The following SNX15 variants were observed in gnomAD, a reference collection of about 807,000 sequenced individuals.
SNX15 encodes sorting nexin-15.
A neutral mutation model predicts 35.2 loss-of-function variants in SNX15; 29 were observed. The ratio of observed to expected loss-of-function variants is 0.82; its 90% confidence interval spans 0.61 to 1.12. The LOEUF is 1.12. Among genes scored for constraint, SNX15 ranks in the 50% most tolerant of loss-of-function variants. SNX15 has a pLI of 0.00. For synonymous variants in SNX15, 189 were observed against 188.2 expected, an observed-to-expected ratio of 1.00 and a Z score of -0.03; for missense variants, 400 against 451.5, an observed-to-expected ratio of 0.89 and a Z score of 1.03.
In SNX15 at chr11:65,039,738, C is replaced by G; in HGVS notation, c.975C>G (p.Tyr325Ter). The change falls in exon 8 of 8, where the codon TAC becomes TAG. Residue 325 changes from tyrosine (Y) to a stop codon, truncating the protein, a stop_gained. Transcript: ENST00000377244. LOFTEE classifies it high-confidence loss of function. ...QEGVKKKAAEYLKRAEEILRL... is the reference protein window; with the variant it reads ...QEGVKKKAAE ...GTGTGAAGAAGAAGGCAGCTGAGTA[C>G]CTGAAGCGGGCAGAGGAGATCCTGC... 6.2e-7 allele frequency: 1 copy of G among 1,613,720 alleles called. No individual in the cohort carries two copies. The highest frequency in any genetic ancestry group is 8.5e-7 in the Non-Finnish European group (1 of 1,179,884).
intron 6 of SNX15, 102 bp downstream of exon 6, chr11:65,035,765 G>T: frequency 7.9e-7 from 1 of 1,270,628 alleles, no homozygotes; most frequent in Non-Finnish European, 1.1e-6. Flanking sequence ...CGCAGATCAG[G>T]GAGAGACGTC....
In SNX15 at chr11:65,038,729, G is replaced by T; in HGVS notation, c.822G>T (p.Glu274Asp). Residue 274 changes from glutamate (E) to aspartate (D), a missense_variant, in exon 7 of 8, where the codon GAG (glutamate) becomes GAT (aspartate). Transcript: ENST00000377244. ...PTPAYLSQAT[E>D]LITQALRDEK... ...CTGCCTACCTAAGCCAGGCCACAGA[G>T]CTCATCACCCAGGCCCTGCGGGATG... 1 of 1,605,184 alleles carries T rather than the reference G, an allele frequency of 6.2e-7. No homozygotes were observed. The highest frequency in any genetic ancestry group is 8.5e-7 in the Non-Finnish European group (1 of 1,176,276).
Position 65,034,837 on chromosome 11 carries a change from G to A in SNX15, c.257-10G>A. The A allele has an allele frequency of 6.2e-7, 1 of 1,610,876 alleles. No individual in the cohort carries two copies. Among genetic ancestry groups the A allele is most frequent in the South Asian group, 1.1e-5 (1 of 90,954 alleles). On this transcript the variant is annotated splice_polypyrimidine_tract_variant and intron_variant, in intron 3 of 7. Coordinates refer to ENST00000377244, the MANE Select transcript of SNX15 (RefSeq NM_013306.5). ...CCACTCTCCCCTGTTCCTTGTCCTG[G>A]GGGCCGTAGGCCGGTTTGAAGCCTC...
At chr11:65,033,464 A>T (rs1946463769) in intron 3 of SNX15, among the ~76,000 whole-genome samples, 1 of 150,000 alleles carries the variant, frequency 6.7e-6, no homozygotes, top group African/African-American at 2.5e-5. Context: ...GAATCGCTTG[A>T]ACCTGGGAGG....
intron 1 of SNX15, among the ~76,000 whole-genome samples, chr11:65,030,487 G>A (rs1206946289): frequency 4.7e-5 from 7 of 148,110 alleles, no homozygotes; most frequent in Admixed American, 2.0e-4. Flanking sequence ...ATGACCCACC[G>A]TACCTGGCCT....
At chr11:65,029,144 G>A (rs1946410353) in intron 1 of SNX15, among the ~76,000 whole-genome samples, 3 of 146,470 alleles carry the variant, frequency 2.0e-5, no homozygotes, top group Admixed American at 6.9e-5. Flanking sequence ...AGTCTTCCCA[G>A]TGGCTTTTTT....
Position 65,032,314 on chromosome 11 carries a change from G to A in SNX15, c.135+111G>A, listed in dbSNP as rs765944522. ...TCGGCCCTCCTTCCTCCCTGTCCCT[G>A]GGCGAGGGGCTGCTGCAGCTGCTTC... On this transcript the variant is annotated intron_variant, in intron 2 of 7. Transcript: ENST00000377244. 7 of 1,583,320 alleles carry A rather than the reference G, an allele frequency of 4.4e-6. No individual in the cohort carries two copies. In the South Asian group the frequency reaches 4.4e-5, roughly 10 times the overall value.
intron 1 of SNX15, among the ~76,000 whole-genome samples, chr11:65,028,831 C>T (rs1347441876): frequency 1.3e-5 from 2 of 149,992 alleles, no homozygotes; most frequent in African/African-American, 2.5e-5. Context: ...CGGTGGCTCA[C>T]GCCTGTAATC....
chr11:65,038,593 C>T lies in SNX15; in HGVS notation c.686C>T (p.Thr229Ile). 1 of 1,575,930 alleles carries T rather than the reference C, an allele frequency of 6.3e-7. No individual in the cohort carries two copies. Among genetic ancestry groups the T allele is most frequent in the South Asian group, 1.2e-5 (1 of 85,552 alleles). Residue 229 changes from threonine (T) to isoleucine (I), a missense_variant, in exon 7 of 8, where the codon ACC (threonine) becomes ATC (isoleucine). Transcript: ENST00000377244. ...SKEEGAAPSP[T>I]HVAELATMEV... ...GCAGAAGGCGCAGCCCCCAGCCCCA[C>T]CCATGTGGCTGAGCTGGCAACGATG...
intron 6 of SNX15, chr11:65,038,236 T>C: frequency 1.9e-6 from 2 of 1,036,752 alleles, no homozygotes; most frequent in South Asian, 9.1e-5. Context: ...CCTAGCATCC[T>C]TCAGGGAAAC....
chr11:65,038,434 T>C, intron 6 of SNX15, 138 bp from the exon 7 acceptor site: 3 of 1,247,616 alleles, frequency 2.4e-6, no homozygotes, highest in Non-Finnish European at 3.2e-6. Context: ...CACAGACGAC[T>C]TCTGGATTGC....
At chr11:65,029,736 C>G (rs941184291) in intron 1 of SNX15, among the ~76,000 whole-genome samples, 2 of 151,608 alleles carry the variant, frequency 1.3e-5, no homozygotes, top group Admixed American at 1.3e-4. Flanking sequence ...GCCACCACAC[C>G]CGGCTACTTT....
At chr11:65,034,104 A>G (rs1441130039) in intron 3 of SNX15, among the ~76,000 whole-genome samples, 1 of 152,210 alleles carries the variant, frequency 6.6e-6, no homozygotes, top group Non-Finnish European at 1.5e-5. Context: ...TAACTGGACC[A>G]GAGTTAGCCT....
chr11:65,034,843 G>C lies in SNX15; in HGVS notation c.257-4G>C. 6.2e-7 allele frequency: 1 copy of C among 1,612,306 alleles called. No individual in the cohort carries two copies. Among genetic ancestry groups the C allele is most frequent in the Non-Finnish European group, 8.5e-7 (1 of 1,178,654 alleles). On this transcript the variant is annotated splice_polypyrimidine_tract_variant and splice_region_variant and intron_variant, in intron 3 of 7. Coordinates refer to ENST00000377244, the MANE Select transcript of SNX15 (RefSeq NM_013306.5). The stretch of plus-strand genomic sequence containing the variant: ...TCCCCTGTTCCTTGTCCTGGGGGCC[G>C]TAGGCCGGTTTGAAGCCTCAGTGAT...
intron 3 of SNX15, 91 bp downstream of exon 3, chr11:65,032,642 C>G (rs2136931410): frequency 6.6e-7 from 1 of 1,510,352 alleles, no homozygotes; most frequent in South Asian, 1.2e-5. Context: ...TAGAGAGGGC[C>G]TGAAACCCTG....
rs35724941 is a variant in SNX15, at chr11:65,033,543, CAAA to C, written c.256+1012_256+1014del. Among the ~76,000 whole-genome samples, 308 of 86,438 alleles carry C rather than the reference CAAA, an allele frequency of 3.6e-3. 2 individuals are homozygous for C. Among genetic ancestry groups the C allele is most frequent in the African/African-American group, 0.013 (291 of 22,304 alleles). 56.7% of individuals were successfully genotyped at this position (86,438 alleles called of 152,430 possible). On this transcript the variant is annotated intron_variant, in intron 3 of 7. Coordinates refer to ENST00000377244, the MANE Select transcript of SNX15 (RefSeq NM_013306.5). ...CAGGCGACAGAGTGAGACTCCGTCT[CAAA>C]AAAAAAAAAAAAAAAAAAATTGTTT...
At chr11:65,030,544 G>A (rs1171855865) in intron 1 of SNX15, among the ~76,000 whole-genome samples, 2 of 148,346 alleles carry the variant, frequency 1.3e-5, no homozygotes, top group Non-Finnish European at 3.0e-5. Flanking sequence ...GTGTTGCCAG[G>A]CTGGAGTGCA....
At chr11:65,037,789 G>A (rs1336579985) in intron 6 of SNX15, 1 of 152,166 alleles carries the variant, frequency 6.6e-6, no homozygotes, top group African/African-American at 2.4e-5. Context: ...AGCAATACAT[G>A]GAGGGCTGTA....
chr11:65,029,456 T>TTTTTGTGTTTTTAGTAGAGA (rs1946416422), intron 1 of SNX15, among the ~76,000 whole-genome samples: 1 of 149,962 alleles, frequency 6.7e-6, no homozygotes. Context: ...ACACCCGGCC[T>TTTTTGTGTTTTTAGTAGAGA]CCCATTGGCT....
Sources: allele counts gnomAD v4.1 joint callset (sites outside exome capture counted in the v4.1 genomes callset), GRCh38; gene constraint gnomAD v4.1.1; transcripts MANE v1.5; gene names NCBI Gene and HGNC (gene_info 2026-07-23, HGNC 2026-07-21).